FTO: variants seen among roughly 807,000 people sequenced by gnomAD.
FTO encodes the protein FTO alpha-ketoglutarate dependent dioxygenase, also known as alpha-ketoglutarate-dependent dioxygenase FTO.
Under a neutral mutation model 63.9 loss-of-function variants are expected in FTO, and 47 were observed. The ratio of observed to expected loss-of-function variants is 0.74; its 90% CI spans 0.58 to 0.94. The LOEUF (loss-of-function observed/expected upper bound fraction) is 0.94. Ranked by LOEUF, FTO falls within the 40% of genes least tolerant of loss-of-function variation. FTO has a pLI of 0.00. For missense variants in FTO, 562 were observed against 618.1 expected (o/e 0.91, Z 0.96); for synonymous variants, 207 against 224.4 (o/e 0.92, Z 0.69).
intron 3 of FTO, among the ~76,000 whole-genome samples, chr16:53,832,329 C>T (rs981188229): frequency 2.6e-5 from 4 of 152,214 alleles, no homozygotes; most frequent in Admixed American, 1.3e-4. Flanking sequence ...AAACTATCCC[C>T]ACTATCAAGA....
At chr16:53,870,206 C>T (rs761018562) in intron 4 of FTO, among the ~76,000 whole-genome samples, 1 of 151,886 alleles carries the variant, frequency 6.6e-6, no homozygotes, top group African/African-American at 2.4e-5. Context: ...GACCCTGTCT[C>T]CTGAGAAAAT....
At chr16:53,866,127 A>C (rs1391613741) in intron 4 of FTO, among the ~76,000 whole-genome samples, 1 of 152,030 alleles carries the variant, frequency 6.6e-6, no homozygotes, top group Admixed American at 6.6e-5. Context: ...ATTTTGTCAA[A>C]TGTTTTTCTG....
chr16:53,941,142 T>G (rs1014790934), intron 8 of FTO, among the ~76,000 whole-genome samples: 4 of 152,220 alleles, frequency 2.6e-5, no homozygotes, highest in Non-Finnish European at 5.9e-5. Flanking sequence ...AGTCACGGAT[T>G]ATATGCAAAA....
At chr16:53,829,478 G>A (rs925082669) in intron 3 of FTO, among the ~76,000 whole-genome samples, 7 of 152,246 alleles carry the variant, frequency 4.6e-5, no homozygotes, top group East Asian at 3.8e-4. Context: ...TATGGTGGGC[G>A]CATGTCTTCT....
intron 8 of FTO, among the ~76,000 whole-genome samples, chr16:53,968,513 C>T (rs2083245008): frequency 2.6e-5 from 4 of 152,220 alleles, no homozygotes; most frequent in South Asian, 2.1e-4. Flanking sequence ...GTCTAGGACT[C>T]GTGGCAGGCA....
At chr16:53,893,663 T>TA (rs775279662) in intron 7 of FTO, among the ~76,000 whole-genome samples, 337 of 145,354 alleles carry the variant, frequency 2.3e-3, no homozygotes, top group African/African-American at 5.8e-3. Flanking sequence ...CTATTGACCT[T>TA]AAAAAAAAAA....
intron 1 of FTO, among the ~76,000 whole-genome samples, chr16:53,718,587 C>A (rs1466426142): frequency 1.3e-5 from 2 of 151,978 alleles, no homozygotes. Context: ...ATGTCTTCAA[C>A]AGTTATACTT....
intron 3 of FTO, among the ~76,000 whole-genome samples, chr16:53,836,649 G>T (rs2079301252): frequency 6.6e-6 from 1 of 152,170 alleles, no homozygotes; most frequent in South Asian, 2.1e-4. Flanking sequence ...ACCCAAAGAG[G>T]CTTAATTTAA....
chr16:53,870,327 T>C (rs944598948), intron 4 of FTO, among the ~76,000 whole-genome samples: 1 of 152,214 alleles, frequency 6.6e-6, no homozygotes, highest in Non-Finnish European at 1.5e-5. Flanking sequence ...CTTTTGGAGA[T>C]AAAACTCACA....
intron 7 of FTO, among the ~76,000 whole-genome samples, chr16:53,900,485 T>G (rs186956444): frequency 2.1e-4 from 32 of 152,254 alleles, no homozygotes; most frequent in African/African-American, 6.7e-4. Flanking sequence ...TCCACACTAC[T>G]GAGATATTTT....
At chr16:54,077,887 A>G (rs1165901822) in intron 8 of FTO, among the ~76,000 whole-genome samples, 1 of 152,134 alleles carries the variant, frequency 6.6e-6, no homozygotes, top group African/African-American at 2.4e-5. Flanking sequence ...AACCCGGACC[A>G]GAGTGACTTA....
chr16:53,965,181 C>G (rs2083170202), intron 8 of FTO, among the ~76,000 whole-genome samples: 1 of 152,152 alleles, frequency 6.6e-6, no homozygotes, highest in East Asian at 1.9e-4. Context: ...TCAAGCGATT[C>G]TCCTGCCTCA....
chr16:53,754,647 A>AT (rs1288055004), intron 1 of FTO, among the ~76,000 whole-genome samples: 2 of 152,222 alleles, frequency 1.3e-5, no homozygotes, highest in Non-Finnish European at 2.9e-5. Context: ...CAAAAAAAAA[A>AT]GCTCCATGAT....
rs966605933 is a variant in FTO, at chr16:54,099,254, T to A, written c.1365-12508T>A. Among the ~76,000 whole-genome samples, 99 of 152,212 alleles carry A rather than the reference T, an allele frequency of 6.5e-4. 1 individual carries two copies. Among genetic ancestry groups the A allele is most frequent in the African/African-American group, 2.3e-3 (95 of 41,460 alleles). On this transcript the variant is annotated intron_variant, in intron 8 of 8. Transcript: ENST00000471389. ...TGCACCTATATGCCTTCCCTCCCAA[T>A]GGCTGAGTCACTAGCAGAATATATT...
chr16:53,774,761 A>G (rs2077423030), intron 1 of FTO, among the ~76,000 whole-genome samples: 1 of 152,152 alleles, frequency 6.6e-6, no homozygotes. Context: ...TTGCCAGGGT[A>G]GCCGCTCATC....
At chr16:53,939,015 A>G (rs1043853050) in intron 8 of FTO, among the ~76,000 whole-genome samples, 2 of 151,958 alleles carry the variant, frequency 1.3e-5, no homozygotes, top group Non-Finnish European at 2.9e-5. Context: ...GGAGAATGGC[A>G]TGAACCCGGG....
intron 7 of FTO, among the ~76,000 whole-genome samples, chr16:53,892,667 A>G (rs1376859096): frequency 3.3e-5 from 5 of 152,202 alleles, no homozygotes; most frequent in African/African-American, 9.7e-5. Context: ...CTGCAAAATA[A>G]CATCGATCTC....
chr16:53,888,437 A>AAAAATAAAAATAAATTG (rs1598914483), intron 6 of FTO, among the ~76,000 whole-genome samples: 1 of 151,808 alleles, frequency 6.6e-6, no homozygotes, highest in African/African-American at 2.4e-5. Context: ...ATTTATTAGT[A>AAAAATAAAAATAAATTG]GCTTGGCCAA....
chr16:53,717,215 A>G (rs2075915086), intron 1 of FTO, among the ~76,000 whole-genome samples: 1 of 152,050 alleles, frequency 6.6e-6, no homozygotes, highest in Admixed American at 6.5e-5. Context: ...TCAAGTTGCC[A>G]CCTGGGGAGG....
Sources: allele counts gnomAD v4.1 joint callset (sites outside exome capture counted in the v4.1 genomes callset), GRCh38; gene constraint gnomAD v4.1.1; transcripts MANE v1.5; gene names NCBI Gene and HGNC (gene_info 2026-07-23, HGNC 2026-07-21).